Variants in ADAMTS2 observed in about 807,000 individuals in gnomAD.
ADAMTS2 encodes the protein A disintegrin and metalloproteinase with thrombospondin motifs 2.
A neutral mutation model predicts 123.0 loss-of-function variants in ADAMTS2; 50 were observed. The ratio of observed to expected loss-of-function variants is 0.41; its 90% CI spans 0.32 to 0.51. ADAMTS2 has a LOEUF of 0.51. Among genes scored for constraint, ADAMTS2 ranks in the 20% least tolerant of loss-of-function variants. ADAMTS2 has a pLI of 0.35. For synonymous variants in ADAMTS2, 678 were observed against 695.4 expected (o/e 0.98, Z 0.39); for missense variants, 1,494 against 1,705.2 (o/e 0.88, Z 2.18).
At position 179,154,036 on chromosome 5, in the gene ADAMTS2, G is replaced by A. The variant is rs1159265177; in HGVS notation, c.1382+13C>T. ...CTGAGGGGTCGCCCACGGGGCACAT[G>A]GGCAGTACTCACTGCAGGTAGCGGC... On this transcript the variant is annotated intron_variant, in intron 8 of 21. Coordinates refer to ENST00000251582, the MANE Select transcript of ADAMTS2 (RefSeq NM_014244.5). 18 of 1,595,688 alleles carry A rather than the reference G, an allele frequency of 1.1e-5. No individual in the cohort carries two copies. The Admixed American group carries it at 3.1e-4, about 28-fold the overall frequency.
intron 3 of ADAMTS2, among the ~76,000 whole-genome samples, chr5:179,251,603 C>A (rs1765927729): frequency 6.6e-6 from 1 of 152,104 alleles, no homozygotes; most frequent in African/African-American, 2.4e-5. Context: ...ACACTACGTG[C>A]AGGACATTTT....
chr5:179,289,965 C>A (rs1756138440), intron 2 of ADAMTS2, among the ~76,000 whole-genome samples: 4 of 152,228 alleles, frequency 2.6e-5, no homozygotes, highest in Admixed American at 2.6e-4. Context: ...GACACAACAA[C>A]TAAATGCCAC....
At chr5:179,192,216 G>A (rs1764321176) in intron 4 of ADAMTS2, among the ~76,000 whole-genome samples, 1 of 152,220 alleles carries the variant, frequency 6.6e-6, no homozygotes, top group African/African-American at 2.4e-5. Context: ...CTCGACCTGG[G>A]CAGGGGCCCC....
chr5:179,146,575 A>G (rs1306460909), intron 10 of ADAMTS2, among the ~76,000 whole-genome samples: 1 of 151,818 alleles, frequency 6.6e-6, no homozygotes, highest in Non-Finnish European at 1.5e-5. Flanking sequence ...TGTCTGAACC[A>G]TTTTCCTATG....
chr5:179,237,980 C>G (rs1424592118), intron 3 of ADAMTS2, among the ~76,000 whole-genome samples: 1 of 152,190 alleles, frequency 6.6e-6, no homozygotes, highest in Non-Finnish European at 1.5e-5. Context: ...GTTACTTAAC[C>G]AGAACTTGGG....
At chr5:179,138,846 G>A (rs538335655) in intron 11 of ADAMTS2, among the ~76,000 whole-genome samples, 2 of 152,338 alleles carry the variant, frequency 1.3e-5, no homozygotes, top group African/African-American at 4.8e-5. Flanking sequence ...AGAGCAGCCC[G>A]AGTGAACAGG....
At chr5:179,176,822 G>A (rs963626619) in intron 5 of ADAMTS2, among the ~76,000 whole-genome samples, 5 of 152,306 alleles carry the variant, frequency 3.3e-5, no homozygotes, top group South Asian at 2.1e-4. Context: ...GGCTCCTTCC[G>A]ACGTCTTTGG....
rs768000025 is a variant in ADAMTS2 at position 179,307,943 on chromosome 5, G to T, written c.535-34879C>A. Among the ~76,000 whole-genome samples, 33 of 152,288 alleles carry T rather than the reference G, an allele frequency of 2.2e-4. No individual in the cohort carries two copies. The highest frequency in any genetic ancestry group is 3.7e-4 in the Non-Finnish European group (25 of 68,022). On this transcript the variant is annotated intron_variant, in intron 2 of 21. Coordinates refer to ENST00000251582, the MANE Select transcript of ADAMTS2 (RefSeq NM_014244.5). The surrounding 1 kb of genome is among the most constrained non-coding windows in gnomAD (Gnocchi z 5.6). ...GGTCACTCTCTGCCCCCTGACCAGG[G>T]ATCTTACGAGAGCAAAGTTGTCCTT...
intron 3 of ADAMTS2, among the ~76,000 whole-genome samples, chr5:179,226,553 G>A (rs1765297435): frequency 6.6e-6 from 1 of 151,716 alleles, no homozygotes; most frequent in South Asian, 2.1e-4. Flanking sequence ...TTGGTATTAC[G>A]GGTATGAGCC....
intron 5 of ADAMTS2, among the ~76,000 whole-genome samples, chr5:179,164,291 T>C (rs10053314): frequency 0.051 from 7,722 of 152,314 alleles, 653 homozygotes; most frequent in African/African-American, 0.17. Flanking sequence ...GGCCCAGACA[T>C]TGACCTTGTG....
chr5:179,242,473 C>T lies in ADAMTS2; in HGVS notation c.688+30438G>A, dbSNP rs955864674. ...GAGAGGAGCCCCATGGACACATTCC[C>T]CTCAGAACAACCATAACTGGTGAAA... On this transcript the variant is annotated intron_variant, in intron 3 of 21. Coordinates refer to ENST00000251582, the MANE Select transcript of ADAMTS2 (RefSeq NM_014244.5). The surrounding 1 kb of genome is among the most constrained non-coding windows in gnomAD (Gnocchi z 4.2). Among the ~76,000 whole-genome samples, 3 of 152,190 alleles carry T rather than the reference C, an allele frequency of 2.0e-5. No homozygotes were observed. The highest frequency in any genetic ancestry group is 7.2e-5 in the African/African-American group (3 of 41,434).
chr5:179,290,169 C>T (rs947736956), intron 2 of ADAMTS2, among the ~76,000 whole-genome samples: 1 of 152,124 alleles, frequency 6.6e-6, no homozygotes, highest in East Asian at 1.9e-4. Flanking sequence ...TCATGGAGGC[C>T]GATCCCTCGT....
At chr5:179,343,462 A>C (rs1581298805) in intron 2 of ADAMTS2, among the ~76,000 whole-genome samples, 1 of 152,148 alleles carries the variant, frequency 6.6e-6, no homozygotes, top group Admixed American at 6.5e-5. Flanking sequence ...ACACGGACCC[A>C]CCCCCGGATG....
intron 21 of ADAMTS2, among the ~76,000 whole-genome samples, chr5:179,116,778 G>A (rs529200334): frequency 3.9e-5 from 6 of 152,320 alleles, no homozygotes; most frequent in Admixed American, 2.6e-4. Context: ...GAGGGTGCCC[G>A]ACTTCGGCCC....
rs371280377 is a variant in ADAMTS2 at position 179,185,321 on chromosome 5, G to A, written c.892-4166C>T. ...TTGGGGATGAGTGCAGAGAAGGGAC[G>A]GATGTGAGGGATGATGTGGATTGGA... On this transcript the variant is annotated intron_variant, in intron 4 of 21. Coordinates refer to ENST00000251582, the MANE Select transcript of ADAMTS2 (RefSeq NM_014244.5). This position sits in a 1 kb window ranked among gnomAD's most constrained non-coding sequence, Gnocchi z 5.9. Among the ~76,000 whole-genome samples, 3 of 152,174 alleles carry A rather than the reference G, an allele frequency of 2.0e-5. No homozygotes were observed. Among genetic ancestry groups the A allele is most frequent in the Non-Finnish European group, 4.4e-5 (3 of 68,034 alleles).
At chr5:179,292,387 C>T (rs769272296) in intron 2 of ADAMTS2, among the ~76,000 whole-genome samples, 4 of 151,564 alleles carry the variant, frequency 2.6e-5, no homozygotes, top group African/African-American at 4.9e-5. Flanking sequence ...ACAGCACACT[C>T]GACCATAAAG....
chr5:179,116,685 C>T (rs1290993598), intron 21 of ADAMTS2, among the ~76,000 whole-genome samples: 1 of 152,196 alleles, frequency 6.6e-6, no homozygotes, highest in Non-Finnish European at 1.5e-5. Context: ...ATGTGAATAA[C>T]TGAGGAAGTT....
intron 2 of ADAMTS2, among the ~76,000 whole-genome samples, chr5:179,333,869 C>T (rs1168820050): frequency 6.6e-6 from 1 of 152,122 alleles, no homozygotes; most frequent in Non-Finnish European, 1.5e-5. Context: ...TCAAGTTACA[C>T]AGGCGTGAGC....
chr5:179,167,607 C>G (rs988588051), intron 5 of ADAMTS2, among the ~76,000 whole-genome samples: 1 of 152,202 alleles, frequency 6.6e-6, no homozygotes, highest in Non-Finnish European at 1.5e-5. Context: ...GAGGCTCTGC[C>G]TGCTGGGCAA....
Sources: gnomAD v4.1 joint callset for allele counts (sites outside exome capture counted in the v4.1 genomes callset) on GRCh38, gnomAD v4.1.1 for gene constraint, Gnocchi (gnomAD v3.1) non-coding constraint, MANE v1.5 for transcripts, NCBI Gene and HGNC (gene_info 2026-07-23, HGNC 2026-07-21) for gene names.